Variants in FAM169A observed in about 807,000 individuals in gnomAD.
FAM169A encodes soluble lamin-associated protein of 75 kDa.
A neutral mutation model predicts 75.7 loss-of-function variants in FAM169A; 24 were observed. The observed-to-expected ratio is 0.32, with a 90% CI of 0.23 to 0.45. FAM169A has a LOEUF of 0.45. Among genes scored for constraint, FAM169A ranks in the 20% least tolerant of loss-of-function variants. FAM169A has a pLI of 1.00. For missense variants in FAM169A, 673 were observed against 784.0 expected (o/e 0.86, Z 1.69); for synonymous variants, 271 against 271.0 (o/e 1.00, Z 0.00).
chr5:74,856,293 A>C lies in FAM169A; in HGVS notation c.-4+9872T>G, dbSNP rs528190335. On this transcript the variant is annotated intron_variant, in intron 1 of 12. Transcript: ENST00000687041. ...TCTTTTGTGGTTCCATATACATTTTAGGATTTTTTTTTCTATTTCTGTGAA... is the reference window on the plus strand; with the variant it reads ...TCTTTTGTGGTTCCATATACATTTTCGGATTTTTTTTTCTATTTCTGTGAA... Among the ~76,000 whole-genome samples the C allele has an allele frequency of 5.9e-5, 9 of 152,220 alleles. No homozygotes were observed. The South Asian group carries it at 1.7e-3, about 28-fold the overall frequency.
At chr5:74,821,136 C>G (rs1461581657) in intron 5 of FAM169A, among the ~76,000 whole-genome samples, 1 of 152,178 alleles carries the variant, frequency 6.6e-6, no homozygotes, top group Non-Finnish European at 1.5e-5. Context: ...ATCTACTTGT[C>G]CATTCATTGC....
intron 5 of FAM169A, among the ~76,000 whole-genome samples, chr5:74,826,170 C>T (rs1417692990): frequency 6.6e-6 from 1 of 152,118 alleles, no homozygotes; most frequent in East Asian, 1.9e-4. Context: ...TGTGAACATT[C>T]TTGTTCTTAT....
chr5:74,799,491 CAG>C (rs1357824510), intron 10 of FAM169A: 48 of 1,598,358 alleles, frequency 3.0e-5, no homozygotes, highest in Middle Eastern at 3.6e-4. Context: ...ACTTCAAACA[CAG>C]AGTGTTTTCT....
At chr5:74,839,175 C>A in intron 3 of FAM169A, 125 bp from the exon 4 acceptor site, 1 of 673,194 alleles carries the variant, frequency 1.5e-6, no homozygotes, top group Non-Finnish European at 2.5e-6. Context: ...TAAACCTTAC[C>A]AAATAGTAAT....
chr5:74,849,039 T>C (rs1022977249), intron 1 of FAM169A, among the ~76,000 whole-genome samples: 1 of 152,084 alleles, frequency 6.6e-6, no homozygotes, highest in Non-Finnish European at 1.5e-5. Context: ...AGTGAACTCA[T>C]CAAAAAACTG....
intron 6 of FAM169A, 56 bp from the exon 7 acceptor site, chr5:74,805,340 AC>A: frequency 6.4e-7 from 1 of 1,571,812 alleles, no homozygotes; most frequent in South Asian, 1.2e-5. Flanking sequence ...GTTTTGAAAA[AC>A]AGGAGTTGAA....
chr5:74,850,088 C>A (rs901332444), intron 1 of FAM169A, among the ~76,000 whole-genome samples: 10 of 152,154 alleles, frequency 6.6e-5, no homozygotes, highest in African/African-American at 2.4e-4. Context: ...AGGTTCTATT[C>A]CGAACACTTC....
In FAM169A at chr5:74,856,186, T is replaced by C. The variant is rs1366362472; in HGVS notation, c.-4+9979A>G. Among the ~76,000 whole-genome samples, 4 of 152,238 alleles carry C rather than the reference T, an allele frequency of 2.6e-5. No homozygotes were observed. In the East Asian group the frequency reaches 7.7e-4, roughly 29 times the overall value. On this transcript the variant is annotated intron_variant, in intron 1 of 12. Coordinates refer to ENST00000687041, the MANE Select transcript of FAM169A (RefSeq NM_001376049.1). ...ACCATGCTGTTTTGATTATTACAGC[T>C]CTGTAGTATAATCTGAGGTCAGATA...
chr5:74,790,882 TTC>T (rs1745941707), intron 11 of FAM169A, among the ~76,000 whole-genome samples: 1 of 152,206 alleles, frequency 6.6e-6, no homozygotes. Context: ...ACTGGACCTC[TTC>T]TATCATGGAA....
At chr5:74,835,910 TAGCCTATAAATATTTGAAG>T (rs1344877974) in intron 4 of FAM169A, among the ~76,000 whole-genome samples, 2 of 152,186 alleles carry the variant, frequency 1.3e-5, no homozygotes, top group African/African-American at 4.8e-5. Context: ...TGCAGCCACA[TAGCCTATAAATATTTGAAG>T]ATAGAGCCAT....
chr5:74,803,864 T>G (rs549367580), intron 8 of FAM169A, among the ~76,000 whole-genome samples: 1 of 152,318 alleles, frequency 6.6e-6, no homozygotes, highest in Non-Finnish European at 1.5e-5. Context: ...ATTCCACTTC[T>G]GGAAATTTGT....
At chr5:74,816,858 T>C (rs1248084005) in intron 5 of FAM169A, among the ~76,000 whole-genome samples, 1 of 152,226 alleles carries the variant, frequency 6.6e-6, no homozygotes, top group Non-Finnish European at 1.5e-5. Context: ...CCCCCAAGAC[T>C]TCTGCCATTT....
At chr5:74,789,697 G>A (rs964667954) in intron 11 of FAM169A, among the ~76,000 whole-genome samples, 11 of 152,228 alleles carry the variant, frequency 7.2e-5, no homozygotes, top group African/African-American at 2.2e-4. Context: ...TCACAGCGGA[G>A]GCCTCTAGGA....
chr5:74,801,478 G>A, intron 9 of FAM169A, 112 bp downstream of exon 9: 1 of 860,158 alleles, frequency 1.2e-6, no homozygotes, highest in Non-Finnish European at 1.9e-6. Context: ...AGCTGGTTAA[G>A]TCTTCACTTT....
intron 6 of FAM169A, among the ~76,000 whole-genome samples, chr5:74,811,415 G>A (rs565922684): frequency 6.6e-6 from 1 of 152,252 alleles, no homozygotes; most frequent in South Asian, 2.1e-4. Context: ...AGTAATTAGG[G>A]GGTAATGCAT....
chr5:74,844,733 C>T (rs1749061742), intron 1 of FAM169A, among the ~76,000 whole-genome samples: 1 of 152,134 alleles, frequency 6.6e-6, no homozygotes, highest in Non-Finnish European at 1.5e-5. Context: ...AGGAGAATTG[C>T]TTGAACCCGG....
In FAM169A at chr5:74,860,476, AATTG is replaced by A. The variant is rs1377566903; in HGVS notation, c.-4+5685_-4+5688del. ...CAATAACCCTCCAAGTCCCAAATTCAATTGATTATTTTCATTCTTACTCCTCTTG... is the reference window on the plus strand; with the variant it reads ...CAATAACCCTCCAAGTCCCAAATTCAATTATTTTCATTCTTACTCCTCTTG... On this transcript the variant is annotated intron_variant, in intron 1 of 12. Coordinates refer to ENST00000687041, the MANE Select transcript of FAM169A (RefSeq NM_001376049.1). Among the ~76,000 whole-genome samples, 8 of 152,096 alleles carry A rather than the reference AATTG, an allele frequency of 5.3e-5. No individual in the cohort carries two copies. The East Asian group carries it at 1.3e-3, about 26-fold the overall frequency.
chr5:74,824,749 T>G (rs898147788), intron 5 of FAM169A, among the ~76,000 whole-genome samples: 1 of 151,492 alleles, frequency 6.6e-6, no homozygotes, highest in Non-Finnish European at 1.5e-5. Flanking sequence ...ACAAACACAC[T>G]TTCTACACCC....
chr5:74,794,554 G>A (rs905210167), intron 11 of FAM169A, among the ~76,000 whole-genome samples: 10 of 151,272 alleles, frequency 6.6e-5, no homozygotes, highest in East Asian at 5.9e-4. Flanking sequence ...CCGTCTTGGC[G>A]GATCACAAGG....
Sources: allele counts gnomAD v4.1 joint callset (sites outside exome capture counted in the v4.1 genomes callset), GRCh38; gene constraint gnomAD v4.1.1; transcripts MANE v1.5; gene names NCBI Gene and HGNC (gene_info 2026-07-23, HGNC 2026-07-21).